The following LMNA variants were observed in gnomAD, a reference collection of about 807,000 sequenced individuals.
The protein encoded by LMNA is lamin.
In LMNA, 20 loss-of-function variants were observed where a neutral mutation model predicts 70.4. The ratio of observed to expected loss-of-function variants is 0.28; its 90% CI spans 0.20 to 0.41. The LOEUF (loss-of-function observed/expected upper bound fraction) is 0.41, where lower values mean the gene tolerates loss of function less well. LMNA is among the 10% of genes least tolerant of loss of function. The pLI is 1.00. For missense variants in LMNA, 652 were observed against 917.2 expected (o/e 0.71, Z 3.73); for synonymous variants, 339 against 372.8 (o/e 0.91, Z 1.04).
chr1:156,111,523 T>G (rs1004622866), upstream of LMNA, among the ~76,000 whole-genome samples: 1 of 152,032 alleles, frequency 6.6e-6, no homozygotes, highest in Non-Finnish European at 1.5e-5. Context: ...TCATGCATGC[T>G]CCAGCTCCCA....
chr1:156,092,331 C>T (rs1010576045), intron 3 of LMNA, among the ~76,000 whole-genome samples: 3 of 151,996 alleles, frequency 2.0e-5, no homozygotes, highest in African/African-American at 7.3e-5. Context: ...GAGCTGTGAT[C>T]GTGCCACTGC....
chr1:156,128,656 A>G (rs991237375), intron 1 of LMNA, among the ~76,000 whole-genome samples: 7 of 152,220 alleles, frequency 4.6e-5, no homozygotes, highest in African/African-American at 1.7e-4. Flanking sequence ...CAGCAGCTAG[A>G]ATTGACTGGA....
intron 2 of LMNA, among the ~76,000 whole-genome samples, chr1:156,088,896 C>T (rs1275899316): frequency 1.3e-5 from 2 of 152,234 alleles, no homozygotes; most frequent in East Asian, 3.8e-4. Context: ...TCATGATCCA[C>T]CTGCCTCAGT....
intron 3 of LMNA, among the ~76,000 whole-genome samples, chr1:156,099,979 G>A (rs1295745580): frequency 6.6e-6 from 1 of 151,844 alleles, no homozygotes; most frequent in African/African-American, 2.4e-5. Flanking sequence ...CTTCCTCCAA[G>A]CAATGTTGAT....
chr1:156,123,521 G>A (rs570355781), intron 1 of LMNA: 1 of 152,402 alleles, frequency 6.6e-6, no homozygotes, highest in Admixed American at 6.5e-5. Context: ...TTCTTGTGAA[G>A]GGAATCCCCT....
intron 3 of LMNA, among the ~76,000 whole-genome samples, chr1:156,098,985 A>T (rs900676139): frequency 6.6e-6 from 1 of 152,230 alleles, no homozygotes; most frequent in South Asian, 2.1e-4. Context: ...TGGCTTTCTA[A>T]TCGGGCTTAA....
At chr1:156,091,257 C>T (rs571248140) in intron 3 of LMNA, among the ~76,000 whole-genome samples, 2 of 152,202 alleles carry the variant, frequency 1.3e-5, no homozygotes, top group African/African-American at 4.8e-5. Flanking sequence ...TTGAGTCCAA[C>T]TGACCTGGGT....
At chr1:156,112,234 G>A (rs111928620), upstream of LMNA, among the ~76,000 whole-genome samples, 925 of 152,180 alleles carry the variant, frequency 6.1e-3, 10 homozygotes, top group African/African-American at 0.022. Flanking sequence ...GGGCAACATA[G>A]CAAGGCTCCG....
chr1:156,104,382 G>T (rs1040962669), intron 3 of LMNA, among the ~76,000 whole-genome samples: 3 of 152,142 alleles, frequency 2.0e-5, no homozygotes, highest in South Asian at 2.1e-4. Context: ...TCTGGGGCTG[G>T]AGCACTGGCG....
intron 2 of LMNA, among the ~76,000 whole-genome samples, chr1:156,132,908 C>CTGT (rs1651207564): frequency 6.8e-6 from 1 of 146,600 alleles, no homozygotes; most frequent in African/African-American, 2.5e-5. Context: ...GGCACGATCT[C>CTGT]AGCTCACTGC....
rs762049172 is a variant in LMNA, at chr1:156,115,050, C to G, written c.132C>G (p.Val44=). 6.3e-7 allele frequency: 1 copy of G among 1,595,268 alleles called. No individual in the cohort carries two copies. The highest frequency in any genetic ancestry group is 1.1e-5 in the South Asian group (1 of 88,160). ...AGGAGCTCAATGATCGCTTGGCGGT[C>G]TACATCGACCGTGTGCGCTCGCTGG... The part of the protein sequence containing the change: ...DLQELNDRLA[V]YIDRVRSLET... The change falls in exon 1 of 12, where the codon GTC becomes GTG. Residue 44 remains valine, a synonymous_variant. Coordinates refer to ENST00000368300, the MANE Select transcript of LMNA (RefSeq NM_170707.4). This position sits in a 1 kb window ranked among gnomAD's most constrained non-coding sequence, Gnocchi z 5.8.
intron 3 of LMNA, among the ~76,000 whole-genome samples, chr1:156,093,298 A>AGT (rs1399858052): frequency 1.5e-5 from 2 of 137,224 alleles, no homozygotes; most frequent in Non-Finnish European, 1.5e-5. Context: ...TTTATATGTC[A>AGT]ATTTTTTTTT....
intron 3 of LMNA, among the ~76,000 whole-genome samples, chr1:156,105,686 AG>A (rs1271118145): frequency 6.6e-6 from 1 of 152,164 alleles, no homozygotes; most frequent in Non-Finnish European, 1.5e-5. Flanking sequence ...CCCGAAGAGG[AG>A]CCCTGCCAAA....
intron 2 of LMNA, among the ~76,000 whole-genome samples, chr1:156,131,645 G>T (rs547099145): frequency 6.6e-6 from 1 of 152,226 alleles, no homozygotes; most frequent in African/African-American, 2.4e-5. Flanking sequence ...ACTTAACTTT[G>T]CAATGAACTG....
Position 156,136,737 on chromosome 1 carries a change from G to C in LMNA, c.1381-184G>C. On this transcript the variant is annotated intron_variant, in intron 7 of 11. Transcript: ENST00000368300. This position sits in a 1 kb window ranked among gnomAD's most constrained non-coding sequence, Gnocchi z 6.1. ...TGAAAGATAAGGTATCCGTGTGCCT[G>C]GTGCTGCGTATGTGTCCACAGATCA... 1 of 699,014 alleles carries C rather than the reference G, an allele frequency of 1.4e-6. No individual in the cohort carries two copies. The highest frequency in any genetic ancestry group is 1.5e-5 in the South Asian group (1 of 65,148). 43.3% of individuals were successfully genotyped at this position (699,014 alleles called of 1,614,324 possible). A position where few individuals can be genotyped will look rare whatever the true frequency, so the allele number is the denominator to read the frequency against.
At chr1:156,102,675 C>T (rs958075728) in intron 3 of LMNA, among the ~76,000 whole-genome samples, 6 of 151,962 alleles carry the variant, frequency 3.9e-5, no homozygotes, top group South Asian at 2.1e-4. Flanking sequence ...CGGCTCTTTG[C>T]GCTCCTTCAT....
intron 2 of LMNA, among the ~76,000 whole-genome samples, chr1:156,084,330 G>T (rs1342831120): frequency 2.2e-5 from 2 of 90,066 alleles, no homozygotes; most frequent in African/African-American, 6.8e-5. Context: ...CAGAAGGTCG[G>T]GGGGTGGTGG....
In LMNA at chr1:156,139,184, C is replaced by A. The variant is rs1244685383; in HGVS notation, c.*78C>A. On this transcript the variant is annotated 3_prime_UTR_variant, in exon 12 of 12. Coordinates refer to ENST00000368300, the MANE Select transcript of LMNA (RefSeq NM_170707.4). Reference sequence around the variant, plus strand: ...CCTCATGCCCACCCCCTGCCCTGCACGTCATGGGAGGGGGCTTGAAGCCAA... The same window carrying A: ...CCTCATGCCCACCCCCTGCCCTGCAAGTCATGGGAGGGGGCTTGAAGCCAA... 31 of 1,609,260 alleles carry A rather than the reference C, an allele frequency of 1.9e-5. No individual in the cohort carries two copies. The highest frequency in any genetic ancestry group is 2.5e-5 in the Non-Finnish European group (30 of 1,178,832).
Position 156,137,290 on chromosome 1 carries a change from C to T in LMNA, c.1608+58C>T, listed in dbSNP as rs908312756. ...CGAGGCTCCCCCTGATGGCCAACAT[C>T]GGAGCCAGCTGCCCCCAACCCAAGT... is the stretch of plus-strand genomic sequence containing the variant. On this transcript the variant is annotated intron_variant, in intron 9 of 11. Coordinates refer to ENST00000368300, the MANE Select transcript of LMNA (RefSeq NM_170707.4). The surrounding 1 kb of genome is among the most constrained non-coding windows in gnomAD (Gnocchi z 4.6). The T allele has an allele frequency of 5.7e-5, 88 of 1,536,572 alleles. No homozygotes were observed. Among genetic ancestry groups the T allele is most frequent in the East Asian group, 9.7e-5 (4 of 41,070 alleles).
Sources: gnomAD v4.1 joint callset for allele counts (sites outside exome capture counted in the v4.1 genomes callset) on GRCh38, gnomAD v4.1.1 for gene constraint, Gnocchi (gnomAD v3.1) non-coding constraint, MANE v1.5 for transcripts, NCBI Gene and HGNC (gene_info 2026-07-23, HGNC 2026-07-21) for gene names.